The following SCARA3 variants were observed in gnomAD, a reference collection of about 807,000 sequenced individuals.
The protein encoded by SCARA3 is cellular stress response gene protein.
In SCARA3, 39 loss-of-function variants were observed where a neutral mutation model predicts 47.0. The observed-to-expected ratio is 0.83, with a 90% CI of 0.64 to 1.08. SCARA3 has a LOEUF of 1.08. Ranked by LOEUF, SCARA3 falls within the 50% of genes least tolerant of loss-of-function variation. The pLI is 0.00. For missense variants in SCARA3, 724 were observed against 792.3 expected (o/e 0.91, Z 1.04); for synonymous variants, 356 against 334.1 (o/e 1.07, Z -0.71).
In SCARA3 at chr8:27,671,517, A is replaced by G; in HGVS notation, c.*166A>G. The G allele has an allele frequency of 1.6e-6, 2 of 1,288,076 alleles. No individual in the cohort carries two copies. Among genetic ancestry groups the G allele is most frequent in the Non-Finnish European group, 9.8e-7 (1 of 1,023,076 alleles). 79.8% of individuals were successfully genotyped at this position (1,288,076 alleles called of 1,614,324 possible). ...TGGGCTCCCCCATAGTGACTGTGCCATAGGAAAGCAGCCCCTCCTCACACA... is the reference window on the plus strand; with the variant it reads ...TGGGCTCCCCCATAGTGACTGTGCCGTAGGAAAGCAGCCCCTCCTCACACA... On this transcript the variant is annotated 3_prime_UTR_variant, in exon 6 of 6. Coordinates refer to ENST00000301904, the MANE Select transcript of SCARA3 (RefSeq NM_016240.3).
intron 5 of SCARA3, among the ~76,000 whole-genome samples, chr8:27,664,517 C>A (rs1801976009): frequency 6.6e-6 from 1 of 152,114 alleles, no homozygotes; most frequent in South Asian, 2.1e-4. Flanking sequence ...CAATTCAGTG[C>A]CCACCCAGGA....
chr8:27,666,644 G>A (rs141254067), intron 5 of SCARA3, among the ~76,000 whole-genome samples: 1 of 152,306 alleles, frequency 6.6e-6, no homozygotes, highest in East Asian at 1.9e-4. Flanking sequence ...GCCTCCCACG[G>A]CACCAGGCCA....
chr8:27,675,844 C>T (rs1415018711), downstream of SCARA3, among the ~76,000 whole-genome samples: 3 of 140,394 alleles, frequency 2.1e-5, no homozygotes, highest in Admixed American at 2.2e-4. Context: ...CCCAGAAACT[C>T]TGATTCAGAA....
intron 1 of SCARA3, among the ~76,000 whole-genome samples, chr8:27,649,386 C>T (rs554876): frequency 0.18 from 28,112 of 152,160 alleles, 3,188 homozygotes; most frequent in Middle Eastern, 0.33. Flanking sequence ...AAGCAGCCAG[C>T]TCTTATTTCT....
chr8:27,720,245 G>A, the SCARA3 span, among the ~76,000 whole-genome samples: 1 of 142,916 alleles, frequency 7.0e-6, no homozygotes, highest in South Asian at 2.8e-4. Context: ...AGTGGCGAGG[G>A]GAGGCCATTC....
At chr8:27,731,092 CTTT>C in the SCARA3 span, among the ~76,000 whole-genome samples, 5 of 146,942 alleles carry the variant, frequency 3.4e-5, no homozygotes, top group East Asian at 6.0e-4. Flanking sequence ...CCGCTTTTAT[CTTT>C]TTTTTCTTTT....
At chr8:27,651,686 A>C (rs1801637319) in intron 3 of SCARA3, 59 bp downstream of exon 3, 1 of 1,595,870 alleles carries the variant, frequency 6.3e-7, no homozygotes, top group African/African-American at 1.3e-5. Context: ...GGGATCCAGC[A>C]CCAAAAGTTC....
chr8:27,670,853 G>C (rs1280501494), intron 5 of SCARA3, 47 bp from the exon 6 acceptor site: 2 of 1,472,136 alleles, frequency 1.4e-6, no homozygotes, highest in African/African-American at 2.9e-5. Context: ...GCCTCGGGTG[G>C]GGAGCCCCTG....
At chr8:27,657,030 G>A (rs563938966) in intron 4 of SCARA3, 150 bp downstream of exon 4, 16 of 610,604 alleles carry the variant, frequency 2.6e-5, no homozygotes, top group African/African-American at 1.1e-4. Flanking sequence ...CTCCCCAGCC[G>A]GATCTCCATC....
chr8:27,662,113 C>T (rs35154713), intron 5 of SCARA3, among the ~76,000 whole-genome samples: 15,085 of 152,224 alleles, frequency 0.099, 908 homozygotes, highest in East Asian at 0.27. Context: ...TGGAACTAGA[C>T]CTCTATCCCA....
the SCARA3 span, among the ~76,000 whole-genome samples, chr8:27,715,409 G>A: frequency 6.6e-6 from 1 of 151,954 alleles, no homozygotes; most frequent in Non-Finnish European, 1.5e-5. This position sits in a 1 kb window ranked among gnomAD's most constrained non-coding sequence, Gnocchi z 4.2. Context: ...ACCCTACCAG[G>A]GCTCTGATAC....
chr8:27,723,890 C>T, the SCARA3 span, among the ~76,000 whole-genome samples: 2 of 152,162 alleles, frequency 1.3e-5, no homozygotes, highest in Non-Finnish European at 2.9e-5. Flanking sequence ...CACGTGCCAC[C>T]ATGCCGAGCT....
the SCARA3 span, among the ~76,000 whole-genome samples, chr8:27,698,795 G>A: frequency 2.0e-5 from 3 of 152,066 alleles, no homozygotes; most frequent in African/African-American, 7.2e-5. Flanking sequence ...AATGAATTTA[G>A]TAAAGGATGG....
the SCARA3 span, among the ~76,000 whole-genome samples, chr8:27,695,907 C>T: frequency 6.6e-6 from 1 of 151,984 alleles, no homozygotes; most frequent in African/African-American, 2.4e-5. Flanking sequence ...TGTTCTAACA[C>T]ACATGAAATT....
chr8:27,731,519 G>A, the SCARA3 span, among the ~76,000 whole-genome samples: 65,699 of 151,192 alleles, frequency 0.43, 14,539 homozygotes, highest in East Asian at 0.63. Context: ...GTGATGGTGC[G>A]CGCCTGTATT....
chr8:27,647,703 G>C (rs1801536596), intron 1 of SCARA3, among the ~76,000 whole-genome samples: 1 of 152,176 alleles, frequency 6.6e-6, no homozygotes, highest in African/African-American at 2.4e-5. Flanking sequence ...GGGCAACAGG[G>C]CCTTACGCTA....
At chr8:27,643,278 G>A (rs35367007) in intron 1 of SCARA3, among the ~76,000 whole-genome samples, 28 of 152,210 alleles carry the variant, frequency 1.8e-4, no homozygotes, top group African/African-American at 6.5e-4. Context: ...AGAACAGGGT[G>A]GGAGGCAGCC....
chr8:27,679,057 T>C (rs1802319625), downstream of SCARA3, among the ~76,000 whole-genome samples: 1 of 152,200 alleles, frequency 6.6e-6, no homozygotes, highest in Non-Finnish European at 1.5e-5. Context: ...TTTTCTTAAT[T>C]ACATTGTTTT....
At chr8:27,665,570 C>T in intron 5 of SCARA3, among the ~76,000 whole-genome samples, 1 of 152,206 alleles carries the variant, frequency 6.6e-6, no homozygotes, top group East Asian at 1.9e-4. Flanking sequence ...CAGGGTCTCA[C>T]TTTGTTGCCC....
Sources: allele counts gnomAD v4.1 joint callset (sites outside exome capture counted in the v4.1 genomes callset), GRCh38; gene constraint gnomAD v4.1.1; non-coding constraint Gnocchi (gnomAD v3.1); transcripts MANE v1.5; gene names NCBI Gene and HGNC (gene_info 2026-07-23, HGNC 2026-07-21).